Variants in CSPG5 observed in about 807,000 individuals in gnomAD.
CSPG5 encodes the protein acidic leucine-rich EGF-like domain-containing brain protein.
Under a neutral mutation model 39.8 loss-of-function variants are expected in CSPG5, and 25 were observed. That is an observed-to-expected ratio of 0.63 (90% CI 0.46 to 0.88). The LOEUF (loss-of-function observed/expected upper bound fraction) is 0.88. Ranked by LOEUF, CSPG5 falls within the 40% of genes least tolerant of loss-of-function variation. The pLI is 0.00. For missense variants in CSPG5, 627 were observed against 702.2 expected (o/e 0.89, Z 1.21); for synonymous variants, 295 against 303.9 (o/e 0.97, Z 0.31).
chr3:47,577,830 G>T lies in CSPG5; in HGVS notation c.196C>A (p.Pro66Thr). The T allele has an allele frequency of 1.3e-6, 2 of 1,569,874 alleles. No individual in the cohort carries two copies. Among genetic ancestry groups the T allele is most frequent in the Non-Finnish European group, 1.7e-6 (2 of 1,167,882 alleles). ...GACGCCTCATCTTCCCCAGCCGCTG[G>T]TGGGCCGGCTTCTTCCCGCGTGTCG... ...ANDTREEAGP[P>T]AAGEDEASWT... Residue 66 changes from proline to threonine, a missense_variant, in exon 2 of 5, where the codon CCA becomes ACA. By Grantham distance (38) the Pro-to-Thr change is conservative. Coordinates refer to ENST00000264723, the MANE Select transcript of CSPG5 (RefSeq NM_006574.4). This position sits in a 1 kb window ranked among gnomAD's most constrained non-coding sequence, Gnocchi z 4.7.
At chr3:47,565,954 C>T (rs1186840323) in intron 4 of CSPG5, among the ~76,000 whole-genome samples, 2 of 152,206 alleles carry the variant, frequency 1.3e-5, no homozygotes, top group African/African-American at 4.8e-5. Context: ...CTACGCAAGA[C>T]ACTCACACAG....
Position 47,578,179 on chromosome 3 carries a change from G to A in CSPG5, c.98-251C>T. On this transcript the variant is annotated intron_variant, in intron 1 of 4. Transcript: ENST00000264723. This position sits in a 1 kb window ranked among gnomAD's most constrained non-coding sequence, Gnocchi z 6.0. ...TCGGCCCCGCCCGACCTGCCCCGCC[G>A]TCTGAAGAGCCAGGCCAGGGCGGCC... is the stretch of plus-strand genomic sequence containing the variant. 2.0e-6 allele frequency: 1 copy of A among 512,244 alleles called. No individual in the cohort carries two copies. Among genetic ancestry groups the A allele is most frequent in the Non-Finnish European group, 3.0e-6 (1 of 335,600 alleles). The allele number at this position is 512,244 out of a possible 1,614,324, so 31.7% of individuals were successfully genotyped here.
At chr3:47,579,322 C>T (rs1008637981), upstream of CSPG5, 1 of 152,362 alleles carries the variant, frequency 6.6e-6, no homozygotes, top group African/African-American at 2.4e-5. This position sits in a 1 kb window ranked among gnomAD's most constrained non-coding sequence, Gnocchi z 4.2. Context: ...CGCATGGAGC[C>T]TCTCGGATTC....
At chr3:47,569,329 C>G in intron 3 of CSPG5, 102 bp from the exon 4 acceptor site, 1 of 1,217,718 alleles carries the variant, frequency 8.2e-7, no homozygotes, top group Non-Finnish European at 1.2e-6. Flanking sequence ...TTCGGCTGGG[C>G]GTGGTGGCTC....
In CSPG5 at chr3:47,578,162, G is replaced by A; in HGVS notation, c.98-234C>T. 2 of 571,762 alleles carry A rather than the reference G, an allele frequency of 3.5e-6. No individual in the cohort carries two copies. Among genetic ancestry groups the A allele is most frequent in the Admixed American group, 4.5e-5 (1 of 22,016 alleles). The allele number at this position is 571,762 out of a possible 1,614,324, so 35.4% of individuals were successfully genotyped here. A position where few individuals can be genotyped will look rare whatever the true frequency, so the allele number is the denominator to read the frequency against. The stretch of plus-strand genomic sequence containing the variant: ...GCCCAACGCCTCGCGGCTCGGCCCC[G>A]CCCGACCTGCCCCGCCGTCTGAAGA... On this transcript the variant is annotated intron_variant, in intron 1 of 4. Coordinates refer to ENST00000264723, the MANE Select transcript of CSPG5 (RefSeq NM_006574.4). The surrounding 1 kb of genome is among the most constrained non-coding windows in gnomAD (Gnocchi z 6.0).
In CSPG5 at chr3:47,578,265, G is replaced by A; in HGVS notation, c.97+332C>T. On this transcript the variant is annotated intron_variant, in intron 1 of 4. Coordinates refer to ENST00000264723, the MANE Select transcript of CSPG5 (RefSeq NM_006574.4). The surrounding 1 kb of genome is among the most constrained non-coding windows in gnomAD (Gnocchi z 6.0). ...AACCCACCCTGAGCCGCGTCCACTG[G>A]CTCCCGCCCTCAGCTCCAGGTCCCG... 1 of 275,426 alleles carries A rather than the reference G, an allele frequency of 3.6e-6. No individual in the cohort carries two copies. The highest frequency in any genetic ancestry group is 6.7e-6 in the Non-Finnish European group (1 of 149,116). 17.1% of individuals were successfully genotyped at this position (275,426 alleles called of 1,614,324 possible). A position where few individuals can be genotyped will look rare whatever the true frequency, so the allele number is the denominator to read the frequency against.
At position 47,569,712 on chromosome 3, in the gene CSPG5, T is replaced by C. The variant is rs548990144; in HGVS notation, c.1383-485A>G. ...TTGATAAGTACAGAATTGTACCTGG[T>C]GCTGGTTATCGGTTTTTAAAGGCTT... On this transcript the variant is annotated intron_variant, in intron 3 of 4. Transcript: ENST00000264723. Among the ~76,000 whole-genome samples, 15 of 151,976 alleles carry C rather than the reference T, an allele frequency of 9.9e-5. No individual in the cohort carries two copies. In the South Asian group the frequency reaches 3.1e-3, roughly 32 times the overall value.
In CSPG5 at chr3:47,577,970, G is replaced by C; in HGVS notation, c.98-42C>G. The C allele has an allele frequency of 7.3e-7, 1 of 1,378,254 alleles. No homozygotes were observed. The highest frequency in any genetic ancestry group is 1.7e-5 in the South Asian group (1 of 58,158). The allele number at this position is 1,378,254 out of a possible 1,614,324, so 85.4% of individuals were successfully genotyped here. On this transcript the variant is annotated intron_variant, in intron 1 of 4. Transcript: ENST00000264723. This position sits in a 1 kb window ranked among gnomAD's most constrained non-coding sequence, Gnocchi z 4.7. ...AAGGGGCGGGACGTCAGGGCGGCGCGCTGAGGAGCCCTGGAGCCCCGGCCC... is the reference window on the plus strand; with the variant it reads ...AAGGGGCGGGACGTCAGGGCGGCGCCCTGAGGAGCCCTGGAGCCCCGGCCC...
In CSPG5 at chr3:47,572,595, C is replaced by G; in HGVS notation, c.1382+91G>C. 1 of 1,148,216 alleles carries G rather than the reference C, an allele frequency of 8.7e-7. No individual in the cohort carries two copies. Among genetic ancestry groups the G allele is most frequent in the South Asian group, 1.4e-5 (1 of 70,800 alleles). 71.1% of individuals were successfully genotyped at this position (1,148,216 alleles called of 1,614,324 possible). ...GCACAGGTGCCAGAAACCCTCACGA[C>G]AAAGTCCCTGGATCAGTTGGAGGGG... On this transcript the variant is annotated intron_variant, in intron 3 of 4. Transcript: ENST00000264723. The surrounding 1 kb of genome is among the most constrained non-coding windows in gnomAD (Gnocchi z 4.5).
chr3:47,562,702 C>T lies in CSPG5; in HGVS notation c.1518G>A (p.Glu506=). 1 of 1,614,098 alleles carries T rather than the reference C, an allele frequency of 6.2e-7. No homozygotes were observed. The change falls in exon 5 of 5, where the codon GAG becomes GAA. Residue 506 remains glutamate, a synonymous_variant. Transcript: ENST00000264723. The part of the protein sequence containing the change: ...QEVLKSCLKE[E]ESFNIQNSMS... ...TGGAGTTCTGGATGTTAAATGACTC[C>T]TCCTCTTTCAGGCAGGACTTGAGAA...
chr3:47,564,934 G>A (rs1263445441), intron 4 of CSPG5, among the ~76,000 whole-genome samples: 1 of 152,072 alleles, frequency 6.6e-6, no homozygotes, highest in Non-Finnish European at 1.5e-5. Flanking sequence ...TCTTAGGTAG[G>A]ATGGACTTTG....
intron 4 of CSPG5, among the ~76,000 whole-genome samples, chr3:47,565,666 GAA>G (rs61329874): frequency 0.024 from 3,438 of 144,064 alleles, 211 homozygotes; most frequent in East Asian, 0.14. Flanking sequence ...TGGAGAGTAG[GAA>G]AGAGTTAAAT....
chr3:47,570,081 T>G (rs956176306), intron 3 of CSPG5, among the ~76,000 whole-genome samples: 1 of 151,946 alleles, frequency 6.6e-6, no homozygotes, highest in Non-Finnish European at 1.5e-5. Context: ...CCATGGATTA[T>G]CTTTTTTTTT....
At position 47,572,131 on chromosome 3, in the gene CSPG5, T is replaced by C. The variant is rs1194742858; in HGVS notation, c.1382+555A>G. On this transcript the variant is annotated intron_variant, in intron 3 of 4. Transcript: ENST00000264723. The surrounding 1 kb of genome is among the most constrained non-coding windows in gnomAD (Gnocchi z 4.5). ...GTAAAGAGGATTTTCTTAAGTTCCT[T>C]GCACTTCTGATTGGACACAGGCTTG... Among the ~76,000 whole-genome samples, 1 of 152,194 alleles carries C rather than the reference T, an allele frequency of 6.6e-6. No individual in the cohort carries two copies. Among genetic ancestry groups the C allele is most frequent in the African/African-American group, 2.4e-5 (1 of 41,460 alleles).
chr3:47,573,758 T>C (rs1275815695), intron 2 of CSPG5, among the ~76,000 whole-genome samples: 1 of 152,214 alleles, frequency 6.6e-6, no homozygotes, highest in Non-Finnish European at 1.5e-5. Context: ...ACCAGAAAAC[T>C]GGCTACTCCA....
chr3:47,572,553 A>G lies in CSPG5; in HGVS notation c.1382+133T>C, dbSNP rs2031561661. 7 of 765,584 alleles carry G rather than the reference A, an allele frequency of 9.1e-6. No homozygotes were observed. The highest frequency in any genetic ancestry group is 1.5e-5 in the Non-Finnish European group (7 of 456,876). The allele number at this position is 765,584 out of a possible 1,614,324, so 47.4% of individuals were successfully genotyped here. On this transcript the variant is annotated intron_variant, in intron 3 of 4. Transcript: ENST00000264723. The surrounding 1 kb of genome is among the most constrained non-coding windows in gnomAD (Gnocchi z 4.5). Reference sequence around the variant, plus strand: ...CCTGAGTGAATTTTTAGCACAGACAAAACAGCTGGGAATGGAGCACAGGTG... The same window carrying G: ...CCTGAGTGAATTTTTAGCACAGACAGAACAGCTGGGAATGGAGCACAGGTG...
intron 4 of CSPG5, among the ~76,000 whole-genome samples, chr3:47,563,610 A>G (rs1294744120): frequency 1.3e-5 from 2 of 152,174 alleles, no homozygotes; most frequent in Non-Finnish European, 2.9e-5. Flanking sequence ...GCCAGAGTAC[A>G]GTAGTGTGAT....
intron 4 of CSPG5, among the ~76,000 whole-genome samples, chr3:47,565,546 G>C (rs1319632127): frequency 1.3e-5 from 2 of 152,116 alleles, no homozygotes. Flanking sequence ...CAGCAGTATG[G>C]GCACCCTTCA....
At chr3:47,575,527 G>GA (rs1466802388) in intron 2 of CSPG5, among the ~76,000 whole-genome samples, 3 of 152,144 alleles carry the variant, frequency 2.0e-5, no homozygotes, top group African/African-American at 7.2e-5. Context: ...ATGCCCTTAG[G>GA]AAAACTAAAC....
Sources: allele counts gnomAD v4.1 joint callset (sites outside exome capture counted in the v4.1 genomes callset), GRCh38; gene constraint gnomAD v4.1.1; non-coding constraint Gnocchi (gnomAD v3.1); transcripts MANE v1.5; gene names NCBI Gene and HGNC (gene_info 2026-07-23, HGNC 2026-07-21).